PAK3: variants seen among roughly 807,000 people sequenced by gnomAD.
The protein encoded by PAK3 is serine/threonine-protein kinase PAK 3.
A neutral mutation model predicts 41.0 loss-of-function variants in PAK3; 4 were observed. The observed-to-expected ratio is 0.10, with a 90% CI of 0.05 to 0.22. The LOEUF is 0.22. Ranked by LOEUF, PAK3 falls within the 10% of genes least tolerant of loss-of-function variation. PAK3 has a pLI of 1.00. For synonymous variants in PAK3, 146 were observed against 139.6 expected, an observed-to-expected ratio of 1.05 and a Z score of -0.32; for missense variants, 205 against 409.9, an observed-to-expected ratio of 0.50 and a Z score of 4.32.
chrX:110,973,681 A>T (rs1263473848), intron 1 of PAK3, among the ~76,000 whole-genome samples: 1 of 112,196 alleles, frequency 8.9e-6, no homozygotes, highest in Admixed American at 9.4e-5. Flanking sequence ...ACCAGCGAAC[A>T]TCATAATGAC....
chrX:111,213,562 G>A (rs2094843932), intron 16 of PAK3, among the ~76,000 whole-genome samples: 1 of 111,856 alleles, frequency 8.9e-6, no homozygotes, highest in Non-Finnish European at 1.9e-5. Flanking sequence ...AAAGTAAAGT[G>A]AGAAAATGAG....
chrX:110,962,670 G>GGCCAAGCC (rs1353603312), intron 1 of PAK3, among the ~76,000 whole-genome samples: 1 of 112,289 alleles, frequency 8.9e-6, no homozygotes, highest in African/African-American at 3.2e-5. Flanking sequence ...CACATAACAG[G>GGCCAAGCC]GCCAAGCCGC....
At chrX:111,000,023 TTA>T (rs2091820574) in intron 1 of PAK3, among the ~76,000 whole-genome samples, 1 of 111,602 alleles carries the variant, frequency 9.0e-6, no homozygotes, top group South Asian at 3.8e-4. Context: ...TATCCAAATA[TTA>T]TATCCATATT....
At chrX:111,027,578 C>G (rs2092288465) in intron 1 of PAK3, among the ~76,000 whole-genome samples, 1 of 112,033 alleles carries the variant, frequency 8.9e-6, no homozygotes, top group Admixed American at 9.5e-5. Flanking sequence ...TGCTCAACAT[C>G]ACTAATTATC....
intron 1 of PAK3, among the ~76,000 whole-genome samples, chrX:111,029,111 T>G: frequency 8.9e-6 from 1 of 111,880 alleles, no homozygotes; most frequent in South Asian, 3.8e-4. Flanking sequence ...CACTCCAGCC[T>G]GGTAACAGAG....
chrX:111,152,312 G>A (rs1216330162), intron 7 of PAK3, 98 bp from the exon 8 acceptor site: 1 of 586,837 alleles, frequency 1.7e-6, no homozygotes, highest in Non-Finnish European at 2.9e-6. Flanking sequence ...CCTTCTAGTT[G>A]AAATCATGCA....
At chrX:111,129,025 A>G in intron 5 of PAK3, among the ~76,000 whole-genome samples, 1 of 111,265 alleles carries the variant, frequency 9.0e-6, no homozygotes, top group Admixed American at 9.6e-5. Context: ...TATTGTTCTA[A>G]TTCCTAGAGT....
rs748753142 is a variant in PAK3 at position 111,172,717 on chromosome X, G to A, written c.767-301G>A. On this transcript the variant is annotated intron_variant, in intron 10 of 17. Transcript: ENST00000372007. ...TTATGAGAACTTTTTATAGATGTTG[G>A]GTTGTGACAAGTTTTTTTTGTTTTC... is the stretch of plus-strand genomic sequence containing the variant. Among the ~76,000 whole-genome samples the A allele has an allele frequency of 6.4e-5, 7 of 109,975 alleles. No individual in the cohort carries two copies. The South Asian group carries it at 2.7e-3, about 42-fold the overall frequency.
chrX:110,963,634 T>A (rs2091024160), intron 1 of PAK3, among the ~76,000 whole-genome samples: 1 of 112,518 alleles, frequency 8.9e-6, no homozygotes, highest in Admixed American at 9.4e-5. Context: ...TTAAAACTGC[T>A]GTTAAGTAAA....
intron 1 of PAK3, among the ~76,000 whole-genome samples, chrX:111,005,104 C>A (rs2148695968): frequency 8.9e-6 from 1 of 111,963 alleles, no homozygotes; most frequent in Admixed American, 9.5e-5. Flanking sequence ...CAAATGATAC[C>A]TTTTCTGCCT....
chrX:110,985,349 T>A (rs1457070016), intron 1 of PAK3, among the ~76,000 whole-genome samples: 2 of 111,696 alleles, frequency 1.8e-5, no homozygotes. Flanking sequence ...TGCCTCCCCC[T>A]TCCTCCTACC....
chrX:111,080,724 C>A (rs1483486815), intron 1 of PAK3, among the ~76,000 whole-genome samples: 3 of 111,657 alleles, frequency 2.7e-5, no homozygotes, highest in African/African-American at 9.8e-5. Context: ...CCAACCATCC[C>A]AGTACTGGGT....
intron 16 of PAK3, among the ~76,000 whole-genome samples, chrX:111,210,153 T>A (rs749188726): frequency 9.0e-6 from 1 of 111,442 alleles, no homozygotes; most frequent in South Asian, 3.8e-4. Context: ...TTTCTAACAT[T>A]ATAAATAAGG....
chrX:111,129,780 G>A (rs1405524581), intron 5 of PAK3, among the ~76,000 whole-genome samples: 1 of 111,550 alleles, frequency 9.0e-6, no homozygotes, highest in Non-Finnish European at 1.9e-5. Flanking sequence ...GGGAGATTAG[G>A]AGGTGGAGAA....
chrX:110,949,169 T>C (rs1324987339), intron 1 of PAK3, among the ~76,000 whole-genome samples: 1 of 111,666 alleles, frequency 9.0e-6, no homozygotes, highest in Non-Finnish European at 1.9e-5. Context: ...GCTCATTTGG[T>C]GGGACTTGGA....
At position 111,015,679 on chromosome X, in the gene PAK3, A is replaced by T. The variant is rs1290792017; in HGVS notation, c.-28+71051A>T. 3.6e-5 allele frequency among the ~76,000 whole-genome samples: 4 copies of T among 111,418 alleles called. No individual in the cohort carries two copies. In the East Asian group the frequency reaches 1.1e-3, roughly 32 times the overall value. Reference sequence around the variant, plus strand: ...AAGGTGATATCTCATTGTGGTTATGATGTGTATTTCCCTAATGATTATTGA... The same window carrying T: ...AAGGTGATATCTCATTGTGGTTATGTTGTGTATTTCCCTAATGATTATTGA... On this transcript the variant is annotated intron_variant, in intron 1 of 14. Transcript: ENST00000425146.
At chrX:111,015,289 C>G (rs1283108199) in intron 1 of PAK3, among the ~76,000 whole-genome samples, 1 of 110,882 alleles carries the variant, frequency 9.0e-6, no homozygotes, top group Admixed American at 9.6e-5. Flanking sequence ...TCTTCCTTTT[C>G]TATGACTGAA....
chrX:111,121,152 C>T (rs2093561617), intron 4 of PAK3, among the ~76,000 whole-genome samples: 1 of 112,073 alleles, frequency 8.9e-6, no homozygotes, highest in Non-Finnish European at 1.9e-5. Context: ...GTACCTTGTT[C>T]TGTAGTTTGA....
intron 3 of PAK3, among the ~76,000 whole-genome samples, chrX:111,102,741 T>A (rs1346573192): frequency 8.9e-6 from 1 of 112,217 alleles, no homozygotes; most frequent in Admixed American, 9.4e-5. Context: ...TGTAAATATT[T>A]CACATCTGTC....
Sources: allele counts gnomAD v4.1 joint callset (sites outside exome capture counted in the v4.1 genomes callset), GRCh38; gene constraint gnomAD v4.1.1; transcripts MANE v1.5; gene names NCBI Gene and HGNC (gene_info 2026-07-23, HGNC 2026-07-21).